Variants in CELF1 observed in about 807,000 individuals in gnomAD.
CELF1 encodes 50 kDa nuclear polyadenylated RNA-binding protein.
CELF1 carries 10 observed loss-of-function variants against 61.8 expected under a neutral mutation model. That is an observed-to-expected ratio of 0.16 (90% CI 0.10 to 0.27). The LOEUF is 0.27. Ranked by LOEUF, CELF1 falls within the 10% of genes least tolerant of loss-of-function variation. CELF1 has a pLI of 1.00. For synonymous variants in CELF1, 236 were observed against 225.1 expected, an observed-to-expected ratio of 1.05 and a Z score of -0.43; for missense variants, 380 against 639.1, an observed-to-expected ratio of 0.59 and a Z score of 4.37.
intron 1 of CELF1, among the ~76,000 whole-genome samples, chr11:47,516,130 G>A (rs2095539512): frequency 6.6e-6 from 1 of 151,188 alleles, no homozygotes; most frequent in South Asian, 2.1e-4. Flanking sequence ...CTTGAACCCA[G>A]GAGGTGAACT....
rs540851882 is a variant in CELF1, at chr11:47,466,984, G to A, written c.*5246C>T. ...GGCTGCCCTTTCCCCCAGGCAGAGC[G>A]GCCTTGGGCATAATACCAGGCAACC... is the stretch of plus-strand genomic sequence containing the variant. On this transcript the variant is annotated 3_prime_UTR_variant, in exon 15 of 15. Coordinates refer to ENST00000687097, the MANE Select transcript of CELF1 (RefSeq NM_001376376.1). The A allele has an allele frequency of 6.6e-6, 1 of 152,312 alleles. No individual in the cohort carries two copies. The highest frequency in any genetic ancestry group is 2.4e-5 in the African/African-American group (1 of 41,538). The allele number at this position is 152,312 out of a possible 1,614,324, so 9.4% of individuals were successfully genotyped here.
chr11:47,553,818 A>ATTT (rs34706651), upstream of CELF1, among the ~76,000 whole-genome samples: 394 of 148,554 alleles, frequency 2.7e-3, 4 homozygotes, highest in South Asian at 0.016. Context: ...ATATATATAT[A>ATTT]TTTTTTTTTC....
chr11:47,516,972 A>C (rs1186614791), intron 1 of CELF1, among the ~76,000 whole-genome samples: 2 of 152,170 alleles, frequency 1.3e-5, no homozygotes, highest in Non-Finnish European at 2.9e-5. Flanking sequence ...TCAATATTGA[A>C]AACTGAGCTG....
intron 1 of CELF1, among the ~76,000 whole-genome samples, chr11:47,520,773 T>C (rs1035587764): frequency 6.6e-6 from 1 of 152,158 alleles, no homozygotes; most frequent in Non-Finnish European, 1.5e-5. Flanking sequence ...ATTGTGCCAC[T>C]GCCCTCCAGC....
rs2093664883 is a variant in CELF1, at chr11:47,499,771, C to T, written c.-81-167G>A. ...CTCAGCCCAGCACACAATGAAAGTG[C>T]TGATGCGCCAGGCTTGTTTTGTGCA... On this transcript the variant is annotated intron_variant, in intron 2 of 14. Transcript: ENST00000687097. 10 of 480,834 alleles carry T rather than the reference C, an allele frequency of 2.1e-5. No homozygotes were observed. In the East Asian group the frequency reaches 3.5e-4, roughly 17 times the overall value. The allele number at this position is 480,834 out of a possible 1,614,324, so 29.8% of individuals were successfully genotyped here. A position where few individuals can be genotyped will look rare whatever the true frequency, so the allele number is the denominator to read the frequency against.
intron 1 of CELF1, among the ~76,000 whole-genome samples, chr11:47,534,105 T>C (rs1055366274): frequency 1.3e-4 from 18 of 137,668 alleles, no homozygotes; most frequent in African/African-American, 4.2e-4. Flanking sequence ...CTCTGCTCAC[T>C]GCAACCTCCG....
intron 1 of CELF1, among the ~76,000 whole-genome samples, chr11:47,532,737 G>C (rs2096521010): frequency 1.3e-5 from 2 of 152,134 alleles, no homozygotes; most frequent in Non-Finnish European, 2.9e-5. Flanking sequence ...GAAGTTTCTA[G>C]CATTTTCAGC....
intron 1 of CELF1, among the ~76,000 whole-genome samples, chr11:47,507,188 T>A (rs1361101369): frequency 6.6e-6 from 1 of 152,184 alleles, no homozygotes; most frequent in African/African-American, 2.4e-5. Context: ...AAACAATGAC[T>A]AAAATTTATG....
chr11:47,526,101 G>A (rs1376272712), intron 1 of CELF1, among the ~76,000 whole-genome samples: 1 of 152,070 alleles, frequency 6.6e-6, no homozygotes, highest in Non-Finnish European at 1.5e-5. Context: ...AGGCCAAGGT[G>A]GGCAGATCAC....
chr11:47,541,522 C>T (rs543685914), intron 1 of CELF1, among the ~76,000 whole-genome samples: 95 of 151,730 alleles, frequency 6.3e-4, no homozygotes, highest in Non-Finnish European at 1.3e-3. Flanking sequence ...GAAACCCCGT[C>T]TCTACTTAAA....
chr11:47,484,231 G>A (rs1426716418), intron 7 of CELF1, among the ~76,000 whole-genome samples, 158 bp downstream of exon 7: 3 of 151,634 alleles, frequency 2.0e-5, no homozygotes, highest in Non-Finnish European at 4.4e-5. Context: ...TACTCAGGAG[G>A]CTGATCCTGG....
chr11:47,480,434 G>A (rs938532731), intron 9 of CELF1, among the ~76,000 whole-genome samples: 2 of 152,122 alleles, frequency 1.3e-5, no homozygotes, highest in African/African-American at 4.8e-5. Flanking sequence ...CTAACTGGTG[G>A]ACGGTGAATA....
At chr11:47,533,417 T>G (rs1377417642) in intron 1 of CELF1, among the ~76,000 whole-genome samples, 1 of 151,950 alleles carries the variant, frequency 6.6e-6, no homozygotes, top group Non-Finnish European at 1.5e-5. Context: ...AGCTCAGGAG[T>G]TCACGACCAG....
intron 1 of CELF1, among the ~76,000 whole-genome samples, chr11:47,543,058 TA>T (rs2096849556): frequency 6.6e-6 from 1 of 151,962 alleles, no homozygotes; most frequent in Non-Finnish European, 1.5e-5. Context: ...AGTTCCAGGC[TA>T]TAATTGCACC....
chr11:47,514,764 A>G (rs1419718408), intron 1 of CELF1: 1 of 151,962 alleles, frequency 6.6e-6, no homozygotes, highest in Non-Finnish European at 1.5e-5. Flanking sequence ...ATGCTGAGGT[A>G]GGAAGATTGC....
rs777591448 is a variant in CELF1, at chr11:47,470,200, T to TA, written c.*2029dup. 1 of 152,112 alleles carries TA rather than the reference T, an allele frequency of 6.6e-6. No homozygotes were observed. The highest frequency in any genetic ancestry group is 1.5e-5 in the Non-Finnish European group (1 of 68,014). The allele number at this position is 152,112 out of a possible 1,614,324, so 9.4% of individuals were successfully genotyped here. A position where few individuals can be genotyped will look rare whatever the true frequency, so the allele number is the denominator to read the frequency against. ...AAATATTCTCCACCCCGGAGCTGTA[T>TA]AAAACTTCTATAAAAATAGAAACGA... On this transcript the variant is annotated 3_prime_UTR_variant, in exon 15 of 15. Transcript: ENST00000687097.
chr11:47,532,534 T>A (rs766093620), intron 1 of CELF1, among the ~76,000 whole-genome samples: 1 of 152,208 alleles, frequency 6.6e-6, no homozygotes, highest in African/African-American at 2.4e-5. Context: ...TGCATAACTT[T>A]TGTAAAGGTC....
rs145481054 is a variant in CELF1 at position 47,531,944 on chromosome 11, T to G, written c.-154+21048A>C. Among the ~76,000 whole-genome samples, 594 of 152,316 alleles carry G rather than the reference T, an allele frequency of 3.9e-3. 3 individuals carry two copies. Among genetic ancestry groups the G allele is most frequent in the African/African-American group, 0.014 (567 of 41,564 alleles). On this transcript the variant is annotated intron_variant, in intron 1 of 14. Coordinates refer to ENST00000687097, the MANE Select transcript of CELF1 (RefSeq NM_001376376.1). The stretch of plus-strand genomic sequence containing the variant: ...AATTCCTTTAAAGAATTATTTTTCT[T>G]GTCATGACTGACAAGCATGACTTAA...
At chr11:47,541,264 T>C (rs966193150) in intron 1 of CELF1, among the ~76,000 whole-genome samples, 1 of 147,736 alleles carries the variant, frequency 6.8e-6, no homozygotes, top group African/African-American at 2.5e-5. Flanking sequence ...ACCAATATCA[T>C]ACATATTCAC....
Sources: gnomAD v4.1 joint callset for allele counts (sites outside exome capture counted in the v4.1 genomes callset) on GRCh38, gnomAD v4.1.1 for gene constraint, MANE v1.5 for transcripts, NCBI Gene and HGNC (gene_info 2026-07-23, HGNC 2026-07-21) for gene names.